The following TBCK variants were observed in gnomAD, a reference collection of about 807,000 sequenced individuals.
The protein encoded by TBCK is TBC domain-containing protein kinase-like protein.
In TBCK, 99 loss-of-function variants were observed where a neutral mutation model predicts 113.4. That is an observed-to-expected ratio of 0.87 (90% CI 0.74 to 1.03). The LOEUF is 1.03. Ranked by LOEUF, TBCK falls within the 50% of genes least tolerant of loss-of-function variation. The pLI is 0.00. For synonymous variants in TBCK, 369 were observed against 370.8 expected (o/e 1.00, Z 0.05); for missense variants, 1,045 against 1,061.3 (o/e 0.98, Z 0.21).
intron 3 of TBCK, among the ~76,000 whole-genome samples, chr4:106,273,414 C>G (rs961253735): frequency 3.3e-5 from 5 of 152,118 alleles, no homozygotes; most frequent in Non-Finnish European, 5.9e-5. Flanking sequence ...AACAGAAAAT[C>G]TTTTCTGCAT....
At chr4:106,185,050 G>A (rs1287216430) in intron 22 of TBCK, among the ~76,000 whole-genome samples, 6 of 151,852 alleles carry the variant, frequency 4.0e-5, no homozygotes, top group Non-Finnish European at 7.4e-5. Flanking sequence ...TACACTTCAC[G>A]GTGAATCAGA....
intron 25 of TBCK, among the ~76,000 whole-genome samples, chr4:106,089,071 T>TAA (rs1739871286): frequency 6.6e-6 from 1 of 151,796 alleles, no homozygotes; most frequent in African/African-American, 2.4e-5. Context: ...TAAAGAGGTT[T>TAA]AATTGGCTCA....
intron 23 of TBCK, among the ~76,000 whole-genome samples, chr4:106,122,679 C>G (rs11725065): frequency 0.23 from 35,051 of 151,860 alleles, 4,117 homozygotes; most frequent in South Asian, 0.27. Flanking sequence ...TATCCACTAT[C>G]ATCAAGTGGG....
At chr4:106,188,474 G>A (rs891792727) in intron 22 of TBCK, among the ~76,000 whole-genome samples, 1 of 152,102 alleles carries the variant, frequency 6.6e-6, no homozygotes, top group African/African-American at 2.4e-5. Context: ...TTGGTATCTT[G>A]AAACAAAATA....
intron 9 of TBCK, chr4:106,247,548 G>A: frequency 3.2e-6 from 1 of 311,860 alleles, no homozygotes; most frequent in East Asian, 7.7e-5. Context: ...CTTCTGCATT[G>A]TTTACTTTTA....
At chr4:106,110,341 C>T (rs370518673) in intron 24 of TBCK, among the ~76,000 whole-genome samples, 9 of 152,112 alleles carry the variant, frequency 5.9e-5, no homozygotes, top group East Asian at 3.9e-4. Context: ...CAATGGACTG[C>T]GATAGAACCC....
Position 106,042,302 on chromosome 4 carries a change from A to G in TBCK, c.*4268T>C, listed in dbSNP as rs1193690405. 2 of 152,210 alleles carry G rather than the reference A, an allele frequency of 1.3e-5. No individual in the cohort carries two copies. The highest frequency in any genetic ancestry group is 4.8e-5 in the African/African-American group (2 of 41,446). The allele number at this position is 152,210 out of a possible 1,614,324, so 9.4% of individuals were successfully genotyped here. A position where few individuals can be genotyped will look rare whatever the true frequency, so the allele number is the denominator to read the frequency against. On this transcript the variant is annotated 3_prime_UTR_variant, in exon 26 of 26. Coordinates refer to ENST00000394708, the MANE Select transcript of TBCK (RefSeq NM_001163435.3). ...ATCTGCCAACCCTTTCTATATAGTC[A>G]AGGCAGCAGTCTTCTCTCCTTGTAG...
chr4:106,281,459 T>G (rs1764587037), intron 3 of TBCK, among the ~76,000 whole-genome samples: 1 of 152,152 alleles, frequency 6.6e-6, no homozygotes, highest in Non-Finnish European at 1.5e-5. Context: ...CTATGTTGAA[T>G]AACAGTAGTG....
At chr4:106,223,327 C>T (rs2149956970) in intron 19 of TBCK, among the ~76,000 whole-genome samples, 1 of 152,236 alleles carries the variant, frequency 6.6e-6, no homozygotes, top group African/African-American at 2.4e-5. Context: ...CCACCTTTGA[C>T]AACTGGACTT....
intron 3 of TBCK, among the ~76,000 whole-genome samples, chr4:106,289,421 G>C (rs1271755831): frequency 6.6e-6 from 1 of 152,104 alleles, no homozygotes. Context: ...TTTAAACAAA[G>C]AGCAATAGTA....
At chr4:106,116,500 T>A in intron 23 of TBCK, 122 bp from the exon 24 acceptor site, 1 of 825,590 alleles carries the variant, frequency 1.2e-6, no homozygotes, top group South Asian at 1.9e-5. Context: ...AACTATCTAA[T>A]TTTCACAGTC....
intron 11 of TBCK, 81 bp downstream of exon 11, chr4:106,244,545 G>T: frequency 1.7e-6 from 2 of 1,150,750 alleles, no homozygotes; most frequent in Non-Finnish European, 2.3e-6. Flanking sequence ...AAAAAACACC[G>T]ATTTTCTTTT....
At chr4:106,076,010 C>A (rs7662806) in intron 25 of TBCK, among the ~76,000 whole-genome samples, 30,779 of 152,226 alleles carry the variant, frequency 0.2, 3,420 homozygotes, top group South Asian at 0.26. Context: ...TAGAGTCATA[C>A]AGACTGGTGT....
intron 24 of TBCK, among the ~76,000 whole-genome samples, chr4:106,096,869 G>C (rs944015164): frequency 5.9e-5 from 9 of 152,074 alleles, no homozygotes; most frequent in Non-Finnish European, 1.3e-4. Flanking sequence ...AATTTGTTCA[G>C]CCACGTATTA....
chr4:106,203,623 T>C (rs1755124732), intron 20 of TBCK, among the ~76,000 whole-genome samples: 2 of 151,982 alleles, frequency 1.3e-5, no homozygotes, highest in South Asian at 4.2e-4. Flanking sequence ...GCTTACAATA[T>C]TGAACAAAAG....
At chr4:106,050,751 T>C (rs983644774) in intron 25 of TBCK, among the ~76,000 whole-genome samples, 6 of 152,038 alleles carry the variant, frequency 3.9e-5, no homozygotes, top group African/African-American at 1.2e-4. Context: ...CTGAGATCTA[T>C]ATAGCAACAT....
intron 25 of TBCK, among the ~76,000 whole-genome samples, chr4:106,047,467 C>T (rs1052516301): frequency 4.6e-5 from 7 of 152,134 alleles, no homozygotes; most frequent in East Asian, 1.9e-4. Context: ...CCCACCAATT[C>T]CTGTCCCCTC....
intron 10 of TBCK, 106 bp from the exon 11 acceptor site, chr4:106,244,870 C>T: frequency 1.5e-6 from 1 of 680,840 alleles, no homozygotes; most frequent in South Asian, 2.4e-5. Flanking sequence ...CTCTGAAGAA[C>T]AGACTTCCAG....
intron 25 of TBCK, among the ~76,000 whole-genome samples, chr4:106,061,438 C>CT (rs34326247): frequency 0.59 from 84,215 of 141,932 alleles, 25,030 homozygotes; most frequent in Non-Finnish European, 0.63. Flanking sequence ...TGTTAGCATA[C>CT]TTTTTTTTTT....
Sources: allele counts gnomAD v4.1 joint callset (sites outside exome capture counted in the v4.1 genomes callset), GRCh38; gene constraint gnomAD v4.1.1; transcripts MANE v1.5; gene names NCBI Gene and HGNC (gene_info 2026-07-23, HGNC 2026-07-21).